CSMD1: variants seen among roughly 807,000 people sequenced by gnomAD.
CSMD1 encodes CUB and Sushi multiple domains 1, also known as CUB and sushi domain-containing protein 1.
CSMD1 carries 213 observed loss-of-function variants against 417.5 expected under a neutral mutation model. That is an observed-to-expected ratio of 0.51 (90% confidence interval 0.46 to 0.57). The LOEUF is 0.57. Among genes scored for constraint, CSMD1 ranks in the 20% least tolerant of loss-of-function variants. The pLI is 0.00. For missense variants in CSMD1, 6,923 were observed against 4,529.7 expected (o/e 1.53, Z -15.17); for synonymous variants, 2,862 against 1,736.8 (o/e 1.65, Z -16.11).
chr8:4,001,715 G>C (rs567918629), intron 4 of CSMD1, among the ~76,000 whole-genome samples: 4 of 152,272 alleles, frequency 2.6e-5, no homozygotes, highest in Non-Finnish European at 5.9e-5. Flanking sequence ...GAGACCCATA[G>C]TTCACTGGGC....
chr8:3,008,381 C>G (rs556689155), intron 52 of CSMD1, among the ~76,000 whole-genome samples: 1 of 152,298 alleles, frequency 6.6e-6, no homozygotes, highest in African/African-American at 2.4e-5. Context: ...CACCCTTAGA[C>G]CAGGGGAGGC....
At chr8:3,607,874 G>A (rs751278636) in intron 8 of CSMD1, among the ~76,000 whole-genome samples, 9 of 152,026 alleles carry the variant, frequency 5.9e-5, no homozygotes, top group Admixed American at 5.9e-4. Context: ...ACATGACTAA[G>A]AAGTAAAGGA....
intron 3 of CSMD1, among the ~76,000 whole-genome samples, chr8:4,327,240 G>A (rs1376625539): frequency 2.0e-5 from 3 of 152,292 alleles, no homozygotes; most frequent in South Asian, 2.1e-4. Context: ...TTTCATTAGT[G>A]TTTAATACAA....
rs78364422 is a variant in CSMD1, at chr8:4,223,726, G to C, written c.416-191627C>G. Among the ~76,000 whole-genome samples the C allele has an allele frequency of 7.9e-3, 1,196 of 152,294 alleles. 10 individuals carry two copies. Among genetic ancestry groups the C allele is most frequent in the African/African-American group, 0.027 (1,103 of 41,556 alleles). On this transcript the variant is annotated intron_variant, in intron 3 of 69. Transcript: ENST00000635120. ...TATTTTTTTGTTATCTGAAAAATGA[G>C]GAATTTGGGTCAGATTCTCAGAATA...
At position 3,871,809 on chromosome 8, in the gene CSMD1, G is replaced by T. The variant is rs150311116; in HGVS notation, c.819-117767C>A. ...TGTAAGAGTTGTTGATGTGAATGAA[G>T]TGTGAAGCTTGTGAAGGCTATTACA... On this transcript the variant is annotated intron_variant, in intron 5 of 69. Coordinates refer to ENST00000635120, the MANE Select transcript of CSMD1 (RefSeq NM_033225.6). Among the ~76,000 whole-genome samples the T allele has an allele frequency of 1.2e-4, 19 of 152,332 alleles. No individual in the cohort carries two copies. The East Asian group carries it at 3.7e-3, about 29-fold the overall frequency.
At chr8:4,894,214 A>G (rs1267910351) in intron 1 of CSMD1, among the ~76,000 whole-genome samples, 1 of 152,110 alleles carries the variant, frequency 6.6e-6, no homozygotes, top group Admixed American at 6.5e-5. Context: ...CCCAAACTTC[A>G]TCCATTTATT....
At chr8:4,012,115 G>A (rs895476204) in intron 4 of CSMD1, among the ~76,000 whole-genome samples, 5 of 151,994 alleles carry the variant, frequency 3.3e-5, no homozygotes, top group Non-Finnish European at 7.4e-5. Context: ...ACATTTTCTA[G>A]ATTTAAAATA....
intron 5 of CSMD1, among the ~76,000 whole-genome samples, chr8:3,806,385 T>G (rs1322721629): frequency 6.6e-6 from 1 of 152,218 alleles, no homozygotes; most frequent in Non-Finnish European, 1.5e-5. Flanking sequence ...CTGAAGCCTG[T>G]GGGACACAAA....
chr8:4,823,868 G>A (rs1301137093), intron 1 of CSMD1, among the ~76,000 whole-genome samples: 2 of 151,878 alleles, frequency 1.3e-5, no homozygotes, highest in Non-Finnish European at 2.9e-5. Context: ...TAAAAGGAAG[G>A]CTTAATATTG....
chr8:3,320,036 CAGAACCTCATCACTACCA>C (rs1485430504), intron 23 of CSMD1, among the ~76,000 whole-genome samples: 54 of 152,246 alleles, frequency 3.5e-4, no homozygotes, highest in African/African-American at 1.2e-3. Context: ...GTGTCTGGCC[CAGAACCTCATCACTACCA>C]TGAACTCCAG....
chr8:4,129,493 C>A (rs1364384771), intron 3 of CSMD1, among the ~76,000 whole-genome samples: 1 of 152,114 alleles, frequency 6.6e-6, no homozygotes, highest in Non-Finnish European at 1.5e-5. Context: ...GTGAAAAAGT[C>A]TAGGAGTAAA....
intron 3 of CSMD1, among the ~76,000 whole-genome samples, chr8:4,154,890 T>C (rs887779924): frequency 6.6e-5 from 10 of 152,206 alleles, no homozygotes; most frequent in Non-Finnish European, 5.9e-5. Context: ...TCCACAAATA[T>C]TTGTTGAAGT....
intron 3 of CSMD1, among the ~76,000 whole-genome samples, chr8:4,047,288 G>A (rs1356547654): frequency 2.6e-5 from 4 of 152,148 alleles, no homozygotes; most frequent in Non-Finnish European, 4.4e-5. Context: ...AGGAAGGGAG[G>A]AAGGAGAGAG....
intron 3 of CSMD1, among the ~76,000 whole-genome samples, chr8:4,126,255 C>G (rs559652962): frequency 2.0e-5 from 3 of 152,262 alleles, no homozygotes; most frequent in Non-Finnish European, 2.9e-5. Flanking sequence ...GTCTCCCACA[C>G]GACCGGCTCT....
At chr8:4,421,837 A>C (rs1797263403) in intron 2 of CSMD1, among the ~76,000 whole-genome samples, 1 of 152,002 alleles carries the variant, frequency 6.6e-6, no homozygotes, top group African/African-American at 2.4e-5. Flanking sequence ...TACAGAAATC[A>C]ATAAAATTGA....
At chr8:3,618,876 T>A (rs1211209287) in intron 7 of CSMD1, among the ~76,000 whole-genome samples, 4 of 152,172 alleles carry the variant, frequency 2.6e-5, no homozygotes. Flanking sequence ...TCTCTAGGTA[T>A]GAAGAAGCAG....
chr8:3,052,429 C>T (rs1302400064), intron 50 of CSMD1, 33 bp downstream of exon 50: 3 of 1,532,916 alleles, frequency 2.0e-6, no homozygotes, highest in Non-Finnish European at 1.8e-6. Flanking sequence ...CACCTAAACC[C>T]ACAAAGATGG....
chr8:3,953,602 C>G (rs1334020765), intron 5 of CSMD1, among the ~76,000 whole-genome samples: 1 of 151,984 alleles, frequency 6.6e-6, no homozygotes, highest in Non-Finnish European at 1.5e-5. Flanking sequence ...GTCACTGCGC[C>G]CAAGCATACG....
intron 38 of CSMD1, among the ~76,000 whole-genome samples, chr8:3,159,155 G>C (rs1232331926): frequency 2.0e-5 from 3 of 152,042 alleles, no homozygotes; most frequent in Non-Finnish European, 1.5e-5. Context: ...TTCTGAAATA[G>C]GGAAAAACAT....
Sources: gnomAD v4.1 joint callset for allele counts (sites outside exome capture counted in the v4.1 genomes callset) on GRCh38, gnomAD v4.1.1 for gene constraint, MANE v1.5 for transcripts, NCBI Gene and HGNC (gene_info 2026-07-23, HGNC 2026-07-21) for gene names.